The following METTL8 variants were observed in gnomAD, a reference collection of about 807,000 sequenced individuals.
The protein encoded by METTL8 is tRNA N(3)-cytidine methyltransferase METTL8, mitochondrial.
Under a neutral mutation model 48.7 loss-of-function variants are expected in METTL8, and 32 were observed. The observed-to-expected ratio is 0.66, with a 90% CI of 0.50 to 0.88. The LOEUF is 0.88. Among genes scored for constraint, METTL8 ranks in the 40% least tolerant of loss-of-function variants. The pLI is 0.00. For synonymous variants in METTL8, 136 were observed against 157.1 expected, an observed-to-expected ratio of 0.87 and a Z score of 1.01; for missense variants, 464 against 474.4, an observed-to-expected ratio of 0.98 and a Z score of 0.20.
rs1559024253 is a variant in METTL8, at chr2:171,316,032, A to AGGTAAT, written c.*8134_*8139dup. On this transcript the variant is annotated 3_prime_UTR_variant, in exon 10 of 10. Transcript: ENST00000375258. ...ACGTAGTAGGTGAAAAACAGCAAAG[A>AGGTAAT]GGTAATTCTTTATTCTCGAGAGCTT... Among the ~76,000 whole-genome samples the AGGTAAT allele has an allele frequency of 6.6e-6, 1 of 152,212 alleles. No homozygotes were observed. Among genetic ancestry groups the AGGTAAT allele is most frequent in the African/African-American group, 2.4e-5 (1 of 41,448 alleles).
intron 1 of METTL8, among the ~76,000 whole-genome samples, chr2:171,413,817 G>A (rs1248637096): frequency 1.3e-5 from 2 of 152,146 alleles, no homozygotes; most frequent in Non-Finnish European, 1.5e-5. Flanking sequence ...TCATTTTGGC[G>A]AAGGTAAAAA....
chr2:171,321,392 C>G lies in METTL8; in HGVS notation c.*2780G>C, dbSNP rs188667614. The G allele has an allele frequency of 6.6e-6, 1 of 152,248 alleles. No homozygotes were observed. The highest frequency in any genetic ancestry group is 6.5e-5 in the Admixed American group (1 of 15,282). The allele number at this position is 152,248 out of a possible 1,614,324, so 9.4% of individuals were successfully genotyped here. On this transcript the variant is annotated 3_prime_UTR_variant, in exon 10 of 10. Coordinates refer to ENST00000375258, the MANE Select transcript of METTL8 (RefSeq NM_001321154.2). Reference sequence around the variant, plus strand: ...TCAGCCTCCTGAGTAGCTGGGACAACAGGTGCGTGCCACCATCACTGGCTA... The same window carrying G: ...TCAGCCTCCTGAGTAGCTGGGACAAGAGGTGCGTGCCACCATCACTGGCTA...
At chr2:171,396,995 T>C (rs1262316350) in intron 1 of METTL8, among the ~76,000 whole-genome samples, 1 of 151,572 alleles carries the variant, frequency 6.6e-6, no homozygotes, top group Non-Finnish European at 1.5e-5. Flanking sequence ...GGCTACTTTT[T>C]TTTTTTTTTT....
At chr2:171,326,003 G>T in intron 8 of METTL8, 39 bp downstream of exon 8, 2 of 1,378,018 alleles carry the variant, frequency 1.5e-6, no homozygotes, top group South Asian at 1.3e-5. Context: ...GCATTCTTTA[G>T]AACATTTAAA....
intron 2 of METTL8, among the ~76,000 whole-genome samples, chr2:171,389,752 T>C (rs189035234): frequency 8.8e-4 from 134 of 151,442 alleles, no homozygotes; most frequent in African/African-American, 3.0e-3. Flanking sequence ...CTAGTGGAGG[T>C]TGGTTCATGA....
rs367961704 is a variant in METTL8 at position 171,429,964 on chromosome 2, C to T, written c.-13+3919G>A. On this transcript the variant is annotated intron_variant, in intron 1 of 9. Transcript: ENST00000375258. ...CTAAGACAGGAGAATCACTTGAACCCGGGAAGCAGAGGTTGCAGTGAGCCG... is the reference window on the plus strand; with the variant it reads ...CTAAGACAGGAGAATCACTTGAACCTGGGAAGCAGAGGTTGCAGTGAGCCG... 3.1e-4 allele frequency among the ~76,000 whole-genome samples: 47 copies of T among 151,242 alleles called. 1 individual carries two copies. In the East Asian group the frequency reaches 4.3e-3, roughly 14 times the overall value.
intron 1 of METTL8, among the ~76,000 whole-genome samples, chr2:171,427,597 A>T (rs1170959150): frequency 6.6e-6 from 1 of 152,012 alleles, no homozygotes; most frequent in Non-Finnish European, 1.5e-5. Context: ...CTGGACTACT[A>T]CTCTGGACTG....
intron 2 of METTL8, among the ~76,000 whole-genome samples, chr2:171,361,817 C>T (rs1446790844): frequency 6.6e-6 from 1 of 152,052 alleles, no homozygotes; most frequent in Non-Finnish European, 1.5e-5. Context: ...TAATGTTTGT[C>T]CATCTTGGGT....
intron 3 of METTL8, among the ~76,000 whole-genome samples, chr2:171,358,134 T>C (rs2105466966): frequency 6.6e-6 from 1 of 152,184 alleles, no homozygotes; most frequent in South Asian, 2.1e-4. Context: ...GCGGATCATC[T>C]GAGGTCAAGA....
intron 2 of METTL8, among the ~76,000 whole-genome samples, chr2:171,380,866 G>A (rs1025421388): frequency 2.0e-5 from 3 of 152,062 alleles, no homozygotes; most frequent in African/African-American, 4.8e-5. Context: ...TCAAACTACT[G>A]TTGACTTTCT....
At chr2:171,336,124 T>G (rs1686059543) in intron 5 of METTL8, among the ~76,000 whole-genome samples, 1 of 151,742 alleles carries the variant, frequency 6.6e-6, no homozygotes, top group African/African-American at 2.4e-5. Flanking sequence ...TGAGACAAAG[T>G]TTCGCACTGT....
At chr2:171,344,249 G>T (rs1012027393) in intron 3 of METTL8, among the ~76,000 whole-genome samples, 2 of 152,100 alleles carry the variant, frequency 1.3e-5, no homozygotes, top group Admixed American at 1.3e-4. Context: ...ATTCCAATTT[G>T]CAGAGAAAGA....
chr2:171,407,448 C>G lies in METTL8; in HGVS notation c.-12-15251G>C, dbSNP rs182235728. ...AACCCATCTCACCTAGTAACAAAAA[C>G]AGTAAACACTGTAACAATGAGAAGG... is the stretch of plus-strand genomic sequence containing the variant. On this transcript the variant is annotated intron_variant, in intron 1 of 9. Transcript: ENST00000375258. 5.3e-5 allele frequency among the ~76,000 whole-genome samples: 8 copies of G among 152,056 alleles called. 1 individual carries two copies. In the East Asian group the frequency reaches 1.4e-3, roughly 26 times the overall value.
chr2:171,386,151 A>C (rs969924042), intron 2 of METTL8, among the ~76,000 whole-genome samples: 1 of 152,216 alleles, frequency 6.6e-6, no homozygotes, highest in Admixed American at 6.5e-5. Context: ...AATCTCAGGC[A>C]AGAGAGCAGG....
Position 171,371,577 on chromosome 2 carries a change from G to C in METTL8, c.144-11064C>G, listed in dbSNP as rs183906970. ...TCACCATATAGGCCAGGCTGGTCTT[G>C]AACTCCCGACCTCAGGTGATGCGCC... On this transcript the variant is annotated intron_variant, in intron 2 of 9. Coordinates refer to ENST00000375258, the MANE Select transcript of METTL8 (RefSeq NM_001321154.2). 7.2e-5 allele frequency among the ~76,000 whole-genome samples: 11 copies of C among 151,882 alleles called. No individual in the cohort carries two copies. The South Asian group carries it at 2.3e-3, about 32-fold the overall frequency.
At chr2:171,334,471 T>G (rs1301062841) in intron 5 of METTL8, among the ~76,000 whole-genome samples, 1 of 152,184 alleles carries the variant, frequency 6.6e-6, no homozygotes, top group East Asian at 1.9e-4. Context: ...CAGGGGTCTA[T>G]GAATTAAATG....
At chr2:171,388,186 C>T (rs1039275013) in intron 2 of METTL8, among the ~76,000 whole-genome samples, 1 of 152,172 alleles carries the variant, frequency 6.6e-6, no homozygotes, top group African/African-American at 2.4e-5. Flanking sequence ...TGCACAAGCA[C>T]CAAATTCTGT....
At chr2:171,373,192 G>A (rs2105507308) in intron 2 of METTL8, among the ~76,000 whole-genome samples, 1 of 152,238 alleles carries the variant, frequency 6.6e-6, no homozygotes, top group Non-Finnish European at 1.5e-5. Flanking sequence ...GGTGTGAGAT[G>A]GTATCTCATT....
At chr2:171,325,076 T>A (rs977082544) in intron 9 of METTL8, among the ~76,000 whole-genome samples, 1 of 147,056 alleles carries the variant, frequency 6.8e-6, no homozygotes, top group South Asian at 2.1e-4. Context: ...GAGCTGAGAT[T>A]GTGCCACTGC....
Sources: allele counts gnomAD v4.1 joint callset (sites outside exome capture counted in the v4.1 genomes callset), GRCh38; gene constraint gnomAD v4.1.1; transcripts MANE v1.5; gene names NCBI Gene and HGNC (gene_info 2026-07-23, HGNC 2026-07-21).